CSNK1G3: variants seen among roughly 807,000 people sequenced by gnomAD.
CSNK1G3 encodes casein kinase I isoform gamma-3.
CSNK1G3 carries 23 observed loss-of-function variants against 64.3 expected under a neutral mutation model. The ratio of observed to expected loss-of-function variants is 0.36; its 90% confidence interval spans 0.26 to 0.51. The LOEUF (loss-of-function observed/expected upper bound fraction) is 0.51, where lower values mean the gene tolerates loss of function less well. CSNK1G3 is among the 20% of genes least tolerant of loss of function. CSNK1G3 has a pLI of 0.96. For missense variants in CSNK1G3, 357 were observed against 510.5 expected (o/e 0.70, Z 2.90); for synonymous variants, 158 against 162.2 (o/e 0.97, Z 0.20).
At chr5:123,545,792 T>C (rs756054991) in exon 2 of CSNK1G3, 1 of 1,613,710 alleles carries the variant, frequency 6.2e-7, no homozygotes, top group Non-Finnish European at 8.5e-7. Context: ...GACCTAACTT[T>C]AGAGTTGGAA....
intron 8 of CSNK1G3, among the ~76,000 whole-genome samples, chr5:123,589,131 C>T (rs1321082075): frequency 6.6e-6 from 1 of 152,104 alleles, no homozygotes; most frequent in Non-Finnish European, 1.5e-5. Flanking sequence ...TGTGCAGCCA[C>T]ATTAAGTGAA....
intron 12 of CSNK1G3, among the ~76,000 whole-genome samples, chr5:123,612,893 A>G (rs930727601): frequency 1.3e-5 from 2 of 152,230 alleles, no homozygotes; most frequent in African/African-American, 4.8e-5. Context: ...GTATATAAAT[A>G]TACTTTGCTT....
At chr5:123,542,939 CTCT>C (rs1781923230) in intron 1 of CSNK1G3, among the ~76,000 whole-genome samples, 2 of 147,694 alleles carry the variant, frequency 1.4e-5, no homozygotes, top group Non-Finnish European at 1.5e-5. Context: ...TTTTTCCGCC[CTCT>C]TCTTTTTCTC....
At chr5:123,553,735 G>C (rs953582955) in intron 3 of CSNK1G3, among the ~76,000 whole-genome samples, 1 of 152,110 alleles carries the variant, frequency 6.6e-6, no homozygotes, top group Middle Eastern at 3.2e-3. Context: ...CGATCTCTTT[G>C]GAAAAATTGG....
intron 12 of CSNK1G3, among the ~76,000 whole-genome samples, chr5:123,612,693 G>C (rs946739270): frequency 7.9e-5 from 12 of 152,130 alleles, no homozygotes; most frequent in Admixed American, 2.0e-4. Context: ...GGTCAGGCTG[G>C]TCTTGAACTC....
intron 8 of CSNK1G3, 103 bp downstream of exon 8, chr5:123,588,614 A>G (rs1031644019): frequency 5.2e-6 from 4 of 763,298 alleles, no homozygotes; most frequent in South Asian, 5.1e-5. Flanking sequence ...TAAAAAAAAA[A>G]GAGCTAAAAA....
At chr5:123,614,979 C>T (rs1481014004) in exon 13 of CSNK1G3, 2 of 152,478 alleles carry the variant, frequency 1.3e-5, no homozygotes, top group Non-Finnish European at 2.9e-5. Context: ...ACAGTCACTG[C>T]CCAGAGGTAC....
intron 1 of CSNK1G3, among the ~76,000 whole-genome samples, chr5:123,532,009 T>C (rs569980488): frequency 7.2e-5 from 11 of 151,852 alleles, no homozygotes; most frequent in Non-Finnish European, 1.5e-4. Context: ...TGAGGGAAAT[T>C]TTCAGTTTTT....
intron 1 of CSNK1G3, among the ~76,000 whole-genome samples, chr5:123,537,717 C>T (rs1781073382): frequency 6.6e-6 from 1 of 152,064 alleles, no homozygotes; most frequent in South Asian, 2.1e-4. Flanking sequence ...ACATACAATG[C>T]ATAGATTTTA....
At chr5:123,580,876 A>G (rs1372299695) in intron 6 of CSNK1G3, among the ~76,000 whole-genome samples, 3 of 151,828 alleles carry the variant, frequency 2.0e-5, no homozygotes, top group Non-Finnish European at 4.4e-5. Flanking sequence ...TTTGAGGGAT[A>G]AGTTGGGAGT....
At chr5:123,529,961 AC>A (rs1779666673) in intron 1 of CSNK1G3, among the ~76,000 whole-genome samples, 2 of 151,760 alleles carry the variant, frequency 1.3e-5, no homozygotes, top group Admixed American at 6.6e-5. Flanking sequence ...ACATGGCAAA[AC>A]CCTGTCTCTA....
At chr5:123,515,375 G>A (rs1466948502) in intron 1 of CSNK1G3, among the ~76,000 whole-genome samples, 3 of 152,156 alleles carry the variant, frequency 2.0e-5, no homozygotes, top group Admixed American at 2.0e-4. Flanking sequence ...ACAAAATATA[G>A]GTCATTGAAT....
At chr5:123,583,669 A>G (rs1187375866) in intron 6 of CSNK1G3, among the ~76,000 whole-genome samples, 1 of 150,954 alleles carries the variant, frequency 6.6e-6, no homozygotes, top group Admixed American at 6.6e-5. Flanking sequence ...CGGCCCAGAA[A>G]TCCAGTTGAT....
chr5:123,571,476 CAT>C (rs1184840996), intron 4 of CSNK1G3, among the ~76,000 whole-genome samples: 3 of 151,974 alleles, frequency 2.0e-5, no homozygotes, highest in East Asian at 3.9e-4. Flanking sequence ...CTGCCTCACT[CAT>C]ATTCATATCT....
exon 13 of CSNK1G3, chr5:123,614,584 A>C (rs1749137433): frequency 2.1e-6 from 1 of 479,036 alleles, no homozygotes; most frequent in South Asian, 3.7e-5. Flanking sequence ...CTCTAATTTA[A>C]CCTTTATGGA....
At chr5:123,608,026 C>T in intron 12 of CSNK1G3, among the ~76,000 whole-genome samples, 1 of 152,012 alleles carries the variant, frequency 6.6e-6, no homozygotes, top group Admixed American at 6.6e-5. Context: ...AACTATTGGG[C>T]TCAAGTGATT....
intron 1 of CSNK1G3, among the ~76,000 whole-genome samples, chr5:123,515,756 C>T (rs1777041472): frequency 6.6e-6 from 1 of 151,956 alleles, no homozygotes; most frequent in East Asian, 1.9e-4. Context: ...TAATTATTCC[C>T]CTCTTAGTAT....
intron 8 of CSNK1G3, 49 bp downstream of exon 8, chr5:123,588,560 G>A: frequency 8.8e-7 from 1 of 1,139,686 alleles, no homozygotes; most frequent in South Asian, 1.3e-5. Flanking sequence ...AACTAGAAAT[G>A]CTAATTTTTA....
intron 4 of CSNK1G3, among the ~76,000 whole-genome samples, chr5:123,564,590 A>G (rs1786463751): frequency 1.3e-5 from 2 of 152,146 alleles, no homozygotes; most frequent in Admixed American, 1.3e-4. Context: ...CCCAAATTGG[A>G]TAACAACTTA....
Sources: gnomAD v4.1 joint callset for allele counts (sites outside exome capture counted in the v4.1 genomes callset) on GRCh38, gnomAD v4.1.1 for gene constraint, MANE v1.5 for transcripts, NCBI Gene and HGNC (gene_info 2026-07-23, HGNC 2026-07-21) for gene names.